NAV3: variants seen among roughly 807,000 people sequenced by gnomAD.
The protein encoded by NAV3 is pore membrane and/or filament interacting like protein 1.
Under a neutral mutation model 244.7 loss-of-function variants are expected in NAV3, and 87 were observed. That is an observed-to-expected ratio of 0.36 (90% CI 0.30 to 0.42). The LOEUF is 0.42. Ranked by LOEUF, NAV3 falls within the 20% of genes least tolerant of loss-of-function variation. NAV3 has a pLI of 1.00. For synonymous variants in NAV3, 1,126 were observed against 1,042.2 expected, an observed-to-expected ratio of 1.08 and a Z score of -1.55; for missense variants, 2,663 against 2,893.3, an observed-to-expected ratio of 0.92 and a Z score of 1.83.
At chr12:77,863,442 T>G (rs1879548867) in intron 1 of NAV3, among the ~76,000 whole-genome samples, 1 of 151,830 alleles carries the variant, frequency 6.6e-6, no homozygotes, top group African/African-American at 2.4e-5. Context: ...GATGGACAAA[T>G]TTTTGAAGTC....
chr12:78,021,134 C>T (rs1293440398), intron 8 of NAV3, among the ~76,000 whole-genome samples: 1 of 152,244 alleles, frequency 6.6e-6, no homozygotes, highest in East Asian at 1.9e-4. Flanking sequence ...ATTAGACACA[C>T]TCTTTACAAG....
chr12:77,742,065 A>C (rs1868346987), intron 2 of NAV3, among the ~76,000 whole-genome samples: 1 of 152,044 alleles, frequency 6.6e-6, no homozygotes, highest in South Asian at 2.1e-4. Context: ...TAATATTCAT[A>C]ATATCTTATT....
At chr12:77,601,299 A>G (rs563062907) in intron 2 of NAV3, among the ~76,000 whole-genome samples, 273 of 152,116 alleles carry the variant, frequency 1.8e-3, no homozygotes, top group African/African-American at 6.3e-3. Flanking sequence ...TTCAAAGCTC[A>G]TGTACTTTAC....
At chr12:78,092,085 T>G (rs1038972957) in intron 12 of NAV3, among the ~76,000 whole-genome samples, 2 of 152,186 alleles carry the variant, frequency 1.3e-5, no homozygotes, top group Non-Finnish European at 2.9e-5. Flanking sequence ...GTGCACAAGA[T>G]AAACCAGGAC....
At chr12:77,794,749 A>G (rs1871331385) in intron 2 of NAV3, among the ~76,000 whole-genome samples, 1 of 152,082 alleles carries the variant, frequency 6.6e-6, no homozygotes, top group Non-Finnish European at 1.5e-5. Flanking sequence ...CAATTTTTTA[A>G]TTATTATTGT....
intron 20 of NAV3, among the ~76,000 whole-genome samples, chr12:78,145,601 A>G (rs1022822113): frequency 1.3e-5 from 2 of 152,114 alleles, no homozygotes; most frequent in East Asian, 3.9e-4. Flanking sequence ...ATTTTCTGGC[A>G]TTTTGCAGCC....
chr12:77,758,437 C>T (rs1369349262), intron 2 of NAV3, among the ~76,000 whole-genome samples: 1 of 152,116 alleles, frequency 6.6e-6, no homozygotes, highest in African/African-American at 2.4e-5. Context: ...TATAATCTGT[C>T]ACTCAAGAAA....
chr12:78,177,516 A>G, intron 27 of NAV3, 104 bp from the exon 28 acceptor site: 1 of 1,202,256 alleles, frequency 8.3e-7, no homozygotes, highest in Non-Finnish European at 1.2e-6. Context: ...ATATGTTAGA[A>G]TTCAAGTGTT....
At chr12:78,138,711 G>A (rs763704446) in intron 19 of NAV3, among the ~76,000 whole-genome samples, 11 of 152,260 alleles carry the variant, frequency 7.2e-5, no homozygotes, top group Admixed American at 2.6e-4. Context: ...GCATACAGAT[G>A]GCTTTCTAGA....
chr12:77,830,159 A>G (rs1873454427), upstream of NAV3, among the ~76,000 whole-genome samples: 1 of 152,212 alleles, frequency 6.6e-6, no homozygotes, highest in African/African-American at 2.4e-5. Context: ...TTATATTAAA[A>G]TAATTCTATG....
rs35139297 is a variant in NAV3, at chr12:77,745,988, T to TAAA, written c.72+173738_72+173740dup. ...CACAAAATTGGTTAAAGACTTAAGG[T>TAAA]AAAAAAAAAAAAAAAAAAGGAACAT... is the stretch of plus-strand genomic sequence containing the variant. On this transcript the variant is annotated intron_variant, in intron 2 of 8. Coordinates refer to the NAV3 transcript ENST00000550042. Among the ~76,000 whole-genome samples the TAAA allele has an allele frequency of 3.6e-3, 389 of 107,522 alleles. 7 individuals carry two copies. The highest frequency in any genetic ancestry group is 0.013 in the East Asian group (52 of 4,002). The allele number at this position is 107,522 out of a possible 152,430, so 70.5% of individuals were successfully genotyped here.
At chr12:77,754,705 A>G (rs1180017220) in intron 2 of NAV3, among the ~76,000 whole-genome samples, 2 of 152,172 alleles carry the variant, frequency 1.3e-5, no homozygotes, top group Non-Finnish European at 2.9e-5. Context: ...AATCTTACGA[A>G]GATGTTAATG....
intron 12 of NAV3, among the ~76,000 whole-genome samples, chr12:78,085,690 G>A (rs925967891): frequency 6.6e-6 from 1 of 152,046 alleles, no homozygotes; most frequent in Non-Finnish European, 1.5e-5. Flanking sequence ...GAGATGTCAG[G>A]CAGGCAGTTT....
At chr12:77,949,892 T>C (rs1890714230) in intron 3 of NAV3, among the ~76,000 whole-genome samples, 1 of 152,068 alleles carries the variant, frequency 6.6e-6, no homozygotes, top group Non-Finnish European at 1.5e-5. Flanking sequence ...TTTTCTAGAA[T>C]GTTATATTGT....
intron 28 of NAV3, among the ~76,000 whole-genome samples, chr12:78,178,870 G>T (rs3825190): frequency 0.2 from 31,129 of 152,002 alleles, 4,166 homozygotes; most frequent in African/African-American, 0.38. Context: ...ACACAACAAG[G>T]ATACAATGTG....
chr12:77,675,134 A>G (rs1787505869), intron 2 of NAV3, among the ~76,000 whole-genome samples: 2 of 152,378 alleles, frequency 1.3e-5, no homozygotes, highest in South Asian at 4.1e-4. Context: ...AACTCATGCA[A>G]CAAATCAGAA....
At position 78,200,572 on chromosome 12, in the gene NAV3, C is replaced by A. The variant is rs2140032340; in HGVS notation, c.6815C>A (p.Ala2272Glu). 1.3e-6 allele frequency: 2 copies of A among 1,562,344 alleles called. No homozygotes were observed. The highest frequency in any genetic ancestry group is 1.2e-5 in the South Asian group (1 of 82,138). The change falls in exon 38 of 40, where the codon GCA (alanine) becomes GAA (glutamate). Residue 2272 changes from alanine to glutamate, a missense_variant. Ala to Glu is a moderately radical substitution (Grantham distance 107). This residue lies in a region of NAV3 where 543 missense variants were observed against 672.4 expected (regional missense o/e 0.81). Coordinates refer to ENST00000397909, the MANE Select transcript of NAV3 (RefSeq NM_001024383.2). ...NYSLVPYILE[A>E]VREGLQMYGK... ...TCTTTAGTACCTTATATTCTGGAGG[C>A]AGTGAGAGAGGGTCTTCAGGTATAG...
chr12:77,868,583 C>G (rs1309356005), intron 1 of NAV3, among the ~76,000 whole-genome samples: 2 of 151,584 alleles, frequency 1.3e-5, no homozygotes, highest in African/African-American at 4.8e-5. Flanking sequence ...TGGTGAAACC[C>G]CATCTCTACT....
chr12:77,970,702 A>G (rs1406478716), intron 5 of NAV3, among the ~76,000 whole-genome samples: 1 of 152,086 alleles, frequency 6.6e-6, no homozygotes, highest in Non-Finnish European at 1.5e-5. Context: ...ATAAATCTCT[A>G]TAGGCTAAGT....
Sources: allele counts gnomAD v4.1 joint callset (sites outside exome capture counted in the v4.1 genomes callset), GRCh38; gene constraint gnomAD v4.1.1; regional missense constraint gnomAD v4.1.1; transcripts MANE v1.5; gene names NCBI Gene and HGNC (gene_info 2026-07-23, HGNC 2026-07-21).